The following DCAF1 variants were observed in gnomAD, a reference collection of about 807,000 sequenced individuals.
DCAF1 encodes the protein DDB1 and CUL4 associated factor 1.
DCAF1 carries 15 observed loss-of-function variants against 128.0 expected under a neutral mutation model. The observed-to-expected ratio is 0.12, with a 90% confidence interval of 0.08 to 0.18. DCAF1 has a LOEUF of 0.18. Ranked by LOEUF, DCAF1 falls within the 10% of genes least tolerant of loss-of-function variation. The pLI is 1.00. For synonymous variants in DCAF1, 610 were observed against 603.0 expected, an observed-to-expected ratio of 1.01 and a Z score of -0.17; for missense variants, 988 against 1,649.5, an observed-to-expected ratio of 0.60 and a Z score of 6.95.
Position 51,450,708 on chromosome 3 carries a change from C to T in DCAF1, c.376-6805G>A, listed in dbSNP as rs554258767. On this transcript the variant is annotated intron_variant, in intron 6 of 24. Transcript: ENST00000684031. Reference sequence around the variant, plus strand: ...TGTTTTCCAGGATGGTCTTGAACTCCTCAGCACAAGCGATCTTCCCACCTC... The same window carrying T: ...TGTTTTCCAGGATGGTCTTGAACTCTTCAGCACAAGCGATCTTCCCACCTC... 2.0e-5 allele frequency among the ~76,000 whole-genome samples: 3 copies of T among 152,242 alleles called. No individual in the cohort carries two copies. The East Asian group carries it at 5.8e-4, about 29-fold the overall frequency.
chr3:51,402,500 T>TCC (rs2089782223), intron 24 of DCAF1, among the ~76,000 whole-genome samples: 6 of 151,428 alleles, frequency 4.0e-5, no homozygotes, highest in Non-Finnish European at 8.8e-5. Context: ...GGATTGTCTA[T>TCC]GACTGCTTTC....
intron 2 of DCAF1, among the ~76,000 whole-genome samples, chr3:51,484,581 A>C (rs1269039053): frequency 3.3e-5 from 5 of 152,178 alleles, no homozygotes; most frequent in Admixed American, 2.6e-4. Flanking sequence ...TTTTAAGCAC[A>C]AAATGTGGCC....
chr3:51,482,175 G>A (rs1553653068), intron 3 of DCAF1, among the ~76,000 whole-genome samples: 4 of 150,660 alleles, frequency 2.7e-5, no homozygotes, highest in African/African-American at 7.3e-5. Context: ...GGCCAGCACT[G>A]TGGCTTCGCC....
chr3:51,478,943 T>C (rs1705819869), intron 3 of DCAF1, among the ~76,000 whole-genome samples: 2 of 152,182 alleles, frequency 1.3e-5, no homozygotes, highest in South Asian at 4.1e-4. Flanking sequence ...TAAACTTTCA[T>C]AATATTATAG....
At chr3:51,404,412 T>C (rs1210971163) in intron 23 of DCAF1, among the ~76,000 whole-genome samples, 1 of 152,244 alleles carries the variant, frequency 6.6e-6, no homozygotes, top group African/African-American at 2.4e-5. Flanking sequence ...TTTGTTCTTA[T>C]TATTTTAAAA....
chr3:51,487,912 T>C (rs1707161449), intron 2 of DCAF1, among the ~76,000 whole-genome samples: 5 of 152,058 alleles, frequency 3.3e-5, no homozygotes, highest in Admixed American at 3.3e-4. Flanking sequence ...TCGCCCAGAC[T>C]GGAGTGCAGA....
At chr3:51,476,659 C>T (rs932835144) in intron 3 of DCAF1, among the ~76,000 whole-genome samples, 1 of 150,058 alleles carries the variant, frequency 6.7e-6, no homozygotes, top group African/African-American at 2.5e-5. Flanking sequence ...GGGCAGATCA[C>T]GAGATCAGAA....
In DCAF1 at chr3:51,398,645, A is replaced by G; in HGVS notation, c.*124T>C. 1 of 1,302,254 alleles carries G rather than the reference A, an allele frequency of 7.7e-7. No homozygotes were observed. The highest frequency in any genetic ancestry group is 1.4e-5 in the South Asian group (1 of 72,206). 80.7% of individuals were successfully genotyped at this position (1,302,254 alleles called of 1,614,324 possible). On this transcript the variant is annotated 3_prime_UTR_variant, in exon 25 of 25. Coordinates refer to ENST00000684031, the MANE Select transcript of DCAF1 (RefSeq NM_001387579.1). ...AGGCTCTCTAAGCCATAATCTTCTG[A>G]ATGCAGGGCATGCAGCTCCTTAAAA...
intron 23 of DCAF1, 53 bp downstream of exon 23, chr3:51,412,326 C>T: frequency 6.2e-7 from 1 of 1,610,470 alleles, no homozygotes. Flanking sequence ...AAAAGCAGAG[C>T]ATAACCTCTA....
At chr3:51,475,179 C>T (rs1553650023) in intron 3 of DCAF1, among the ~76,000 whole-genome samples, 1 of 151,778 alleles carries the variant, frequency 6.6e-6, no homozygotes, top group East Asian at 1.9e-4. Flanking sequence ...ATACTTCCAC[C>T]TCAGCTTCAC....
intron 9 of DCAF1, among the ~76,000 whole-genome samples, chr3:51,437,143 A>T (rs1475690850): frequency 3.3e-5 from 5 of 151,958 alleles, no homozygotes; most frequent in Admixed American, 3.3e-4. Flanking sequence ...CATGCCTGTA[A>T]TCTCAGCTAC....
intron 23 of DCAF1, among the ~76,000 whole-genome samples, chr3:51,405,185 A>C (rs1243623244): frequency 6.6e-6 from 1 of 152,226 alleles, no homozygotes; most frequent in African/African-American, 2.4e-5. Flanking sequence ...AGATAGCACA[A>C]CTAAAGGTCC....
intron 5 of DCAF1, among the ~76,000 whole-genome samples, chr3:51,464,605 A>G (rs755591911): frequency 4.6e-5 from 7 of 152,004 alleles, no homozygotes; most frequent in Non-Finnish European, 1.0e-4. Flanking sequence ...CTGAGGCAGG[A>G]GAATCCTTAA....
chr3:51,462,286 G>A (rs1553644813), intron 6 of DCAF1, among the ~76,000 whole-genome samples: 1 of 151,940 alleles, frequency 6.6e-6, no homozygotes, highest in African/African-American at 2.4e-5. Context: ...GCCAGGCATG[G>A]TAGCGTACAC....
At chr3:51,429,605 C>T in intron 11 of DCAF1, 135 bp from the exon 12 acceptor site, 2 of 626,450 alleles carry the variant, frequency 3.2e-6, no homozygotes, top group Non-Finnish European at 5.7e-6. Context: ...TATCAGTAAA[C>T]TTTTATGCTT....
intron 2 of DCAF1, among the ~76,000 whole-genome samples, chr3:51,487,328 C>A (rs781807401): frequency 8.5e-5 from 13 of 152,186 alleles, no homozygotes; most frequent in Admixed American, 5.2e-4. Context: ...AAAGATAGTA[C>A]ACAGTGTTCC....
intron 21 of DCAF1, 71 bp downstream of exon 21, chr3:51,413,211 A>G: frequency 6.4e-7 from 1 of 1,554,482 alleles, no homozygotes; most frequent in Non-Finnish European, 8.7e-7. Flanking sequence ...AGGCCTCCAG[A>G]AAATGAAGGA....
intron 23 of DCAF1, among the ~76,000 whole-genome samples, chr3:51,410,225 C>T (rs1473440417): frequency 6.6e-6 from 1 of 152,220 alleles, no homozygotes; most frequent in African/African-American, 2.4e-5. Flanking sequence ...AGCTGCCCAC[C>T]ACACAAGAGT....
intron 6 of DCAF1, among the ~76,000 whole-genome samples, chr3:51,458,880 A>C (rs566127189): frequency 1.4e-4 from 22 of 152,228 alleles, no homozygotes; most frequent in African/African-American, 4.8e-4. Context: ...AACAAAGACA[A>C]AACATACCAG....
Sources: gnomAD v4.1 joint callset for allele counts (sites outside exome capture counted in the v4.1 genomes callset) on GRCh38, gnomAD v4.1.1 for gene constraint, MANE v1.5 for transcripts, NCBI Gene and HGNC (gene_info 2026-07-23, HGNC 2026-07-21) for gene names.